ACTN1: variants seen among roughly 807,000 people sequenced by gnomAD.
ACTN1 encodes alpha-actinin-1.
In ACTN1, 30 loss-of-function variants were observed where a neutral mutation model predicts 119.6. The ratio of observed to expected loss-of-function variants is 0.25; its 90% CI spans 0.19 to 0.34. The LOEUF (loss-of-function observed/expected upper bound fraction) is 0.34. ACTN1 is among the 10% of genes least tolerant of loss of function. The pLI is 1.00. For missense variants in ACTN1, 764 were observed against 1,223.4 expected, an observed-to-expected ratio of 0.62 and a Z score of 5.60; for synonymous variants, 429 against 472.6, an observed-to-expected ratio of 0.91 and a Z score of 1.20.
chr14:68,948,229 A>G (rs373145856), intron 1 of ACTN1, among the ~76,000 whole-genome samples: 7 of 152,184 alleles, frequency 4.6e-5, no homozygotes, highest in African/African-American at 1.7e-4. Flanking sequence ...ACACTTACCT[A>G]CGCACTTTAT....
intron 1 of ACTN1, among the ~76,000 whole-genome samples, chr14:68,955,166 G>A (rs2036312167): frequency 6.6e-6 from 1 of 152,204 alleles, no homozygotes. Context: ...GAAAAAGAGG[G>A]AAGCAGCCAG....
chr14:68,912,198 T>G lies in ACTN1; in HGVS notation c.385A>C (p.Thr129Pro). The G allele has an allele frequency of 6.2e-7, 1 of 1,614,048 alleles. No individual in the cohort carries two copies. The highest frequency in any genetic ancestry group is 8.5e-7 in the Non-Finnish European group (1 of 1,179,992). The change falls in exon 4 of 22, where the codon ACC becomes CCC. Residue 129 changes from threonine (T) to proline (P), a missense_variant. Physicochemically the swap from Thr to Pro is conservative, Grantham distance 38 (BLOSUM62 -1). Coordinates refer to ENST00000394419, the MANE Select transcript of ACTN1 (RefSeq NM_001130004.2). ...TGGATGGCAAAGCGCAGGATGATGG[T>G]CCAGATCATGCCCAGGGTCATCTTC... ...NVKMTLGMIW[T>P]IILRFAIQDI...
chr14:68,935,618 T>G lies in ACTN1; in HGVS notation c.106-9946A>C, dbSNP rs1197688704. On this transcript the variant is annotated intron_variant, in intron 1 of 21. Transcript: ENST00000394419. ...CCTGGCTGGTCTCAAACTCCTGACC[T>G]CAAGCGATCTGTCCACCTTGGCTTC... 3.3e-5 allele frequency among the ~76,000 whole-genome samples: 5 copies of G among 151,906 alleles called. No individual in the cohort carries two copies. In the East Asian group the frequency reaches 9.7e-4, roughly 29 times the overall value.
At chr14:68,933,322 G>T (rs941016488) in intron 1 of ACTN1, among the ~76,000 whole-genome samples, 2 of 151,974 alleles carry the variant, frequency 1.3e-5, no homozygotes, top group Non-Finnish European at 2.9e-5. Context: ...TTTTAGTAGA[G>T]ACGGGGTTTC....
At position 68,878,876 on chromosome 14, in the gene ACTN1, G is replaced by A. The variant is rs750421268; in HGVS notation, c.2361+113C>T. 1.1e-5 allele frequency: 17 copies of A among 1,598,468 alleles called. No individual in the cohort carries two copies. The East Asian group carries it at 3.6e-4, about 34-fold the overall frequency. ...GACAGCAGGAGAGGACGAGCCCCAT[G>A]GCCCACAGGAGGGGGACAGGAGATC... On this transcript the variant is annotated intron_variant, in intron 19 of 21. Coordinates refer to ENST00000394419, the MANE Select transcript of ACTN1 (RefSeq NM_001130004.2). This position sits in a 1 kb window ranked among gnomAD's most constrained non-coding sequence, Gnocchi z 4.4.
chr14:68,910,096 G>T, intron 4 of ACTN1, 54 bp from the exon 5 acceptor site: 1 of 1,483,512 alleles, frequency 6.7e-7, no homozygotes, highest in Non-Finnish European at 9.3e-7. Context: ...GTGGAGGGAG[G>T]GATGCCGGCT....
intron 1 of ACTN1, chr14:68,947,333 CACA>C (rs1440120661): frequency 2.0e-5 from 3 of 152,246 alleles, no homozygotes; most frequent in Non-Finnish European, 4.4e-5. Context: ...CCCATCCACA[CACA>C]AAATAACAAC....
chr14:68,932,023 G>C (rs2035242696), intron 1 of ACTN1, among the ~76,000 whole-genome samples: 1 of 151,934 alleles, frequency 6.6e-6, no homozygotes, highest in African/African-American at 2.4e-5. Flanking sequence ...CTGCCAAGTA[G>C]CTGGGACTCA....
chr14:68,888,262 T>C (rs1438223381), intron 11 of ACTN1: 1 of 339,086 alleles, frequency 2.9e-6, no homozygotes, highest in African/African-American at 2.2e-5. Flanking sequence ...ACTGAATACA[T>C]GTGGCCAAAC....
intron 7 of ACTN1, among the ~76,000 whole-genome samples, chr14:68,903,847 C>A (rs980363205): frequency 6.6e-6 from 1 of 152,198 alleles, no homozygotes; most frequent in Non-Finnish European, 1.5e-5. Context: ...AGACGCTCTA[C>A]ACAGGGAGAG....
At chr14:68,976,179 A>G (rs986390024) in intron 1 of ACTN1, among the ~76,000 whole-genome samples, 2 of 152,206 alleles carry the variant, frequency 1.3e-5, no homozygotes, top group Non-Finnish European at 2.9e-5. Flanking sequence ...AGTCTCAGAA[A>G]TAGCTATGGC....
Position 68,885,425 on chromosome 14 carries a change from T to C in ACTN1, c.1385A>G (p.Asn462Ser), listed in dbSNP as rs1171771496. ...GGTAGGGGTGTCTGGGGCCACCTAC[T>C]TGAGCTCCTGTGCGATGGCGGCAAT... The part of the protein sequence containing the change: ...EQIAAIAQEL[N>S]ELDYYDSPSV... The change falls in exon 12 of 22, where the codon AAT (asparagine) becomes AGT (serine). Residue 462 changes from asparagine to serine, a missense_variant and splice_region_variant. Asn to Ser is a conservative substitution (Grantham distance 46, BLOSUM62 1). Coordinates refer to ENST00000394419, the MANE Select transcript of ACTN1 (RefSeq NM_001130004.2). This position sits in a 1 kb window ranked among gnomAD's most constrained non-coding sequence, Gnocchi z 5.6. The C allele has an allele frequency of 2.5e-6, 4 of 1,604,094 alleles. No homozygotes were observed. The highest frequency in any genetic ancestry group is 3.4e-6 in the Non-Finnish European group (4 of 1,173,758).
At position 68,879,386 on chromosome 14, in the gene ACTN1, C is replaced by G. The variant is rs2031279241; in HGVS notation, c.2281-317G>C. On this transcript the variant is annotated intron_variant, in intron 18 of 21. Transcript: ENST00000394419. This position sits in a 1 kb window ranked among gnomAD's most constrained non-coding sequence, Gnocchi z 4.9. ...GCCCCCCCGCTTCCCCAGGGGCTTCCCCCCAGGTGCCTAGAGAGCCATGAA... is the reference window on the plus strand; with the variant it reads ...GCCCCCCCGCTTCCCCAGGGGCTTCGCCCCAGGTGCCTAGAGAGCCATGAA... 6.6e-6 allele frequency among the ~76,000 whole-genome samples: 1 copy of G among 152,042 alleles called. No individual in the cohort carries two copies. The highest frequency in any genetic ancestry group is 2.1e-4 in the South Asian group (1 of 4,828).
At chr14:68,877,316 G>A in intron 20 of ACTN1, 76 bp from the exon 21 acceptor site, 2 of 1,566,344 alleles carry the variant, frequency 1.3e-6, no homozygotes, top group Non-Finnish European at 1.7e-6. Flanking sequence ...GAAGACCCTG[G>A]GGGCTCAGAG....
At chr14:68,907,410 A>G (rs930984655) in intron 6 of ACTN1, among the ~76,000 whole-genome samples, 2 of 151,352 alleles carry the variant, frequency 1.3e-5, no homozygotes, top group East Asian at 3.9e-4. Flanking sequence ...CTAAAAATAC[A>G]AAAATTAGCC....
At chr14:68,926,519 T>C (rs2034934656) in intron 1 of ACTN1, among the ~76,000 whole-genome samples, 1 of 152,258 alleles carries the variant, frequency 6.6e-6, no homozygotes, top group Non-Finnish European at 1.5e-5. Context: ...GTCTCCACTC[T>C]GTGGCAACCA....
At chr14:68,921,255 G>T in intron 2 of ACTN1, 130 bp from the exon 3 acceptor site, 3 of 1,186,028 alleles carry the variant, frequency 2.5e-6, no homozygotes, top group Non-Finnish European at 2.3e-6. Flanking sequence ...GCACGTGTGT[G>T]TGTGCTCACA....
chr14:68,951,716 G>A (rs986242419), intron 1 of ACTN1, among the ~76,000 whole-genome samples: 1 of 152,222 alleles, frequency 6.6e-6, no homozygotes, highest in African/African-American at 2.4e-5. Flanking sequence ...ACGTGGTCTT[G>A]GAACAGGGAG....
At chr14:68,963,123 C>T (rs1027233219) in intron 1 of ACTN1, among the ~76,000 whole-genome samples, 2 of 152,200 alleles carry the variant, frequency 1.3e-5, no homozygotes, top group Non-Finnish European at 2.9e-5. Context: ...CTTGACCCTG[C>T]CCCCGCACCC....
Sources: gnomAD v4.1 joint callset for allele counts (sites outside exome capture counted in the v4.1 genomes callset) on GRCh38, gnomAD v4.1.1 for gene constraint, Gnocchi (gnomAD v3.1) non-coding constraint, MANE v1.5 for transcripts, NCBI Gene and HGNC (gene_info 2026-07-23, HGNC 2026-07-21) for gene names.